CADPS: variants seen among roughly 807,000 people sequenced by gnomAD.
The protein encoded by CADPS is calcium-dependent secretion activator 1.
In CADPS, 57 loss-of-function variants were observed where a neutral mutation model predicts 167.3. The ratio of observed to expected loss-of-function variants is 0.34; its 90% CI spans 0.28 to 0.42. The LOEUF (loss-of-function observed/expected upper bound fraction) is 0.42, where lower values mean the gene tolerates loss of function less well. Ranked by LOEUF, CADPS falls within the 20% of genes least tolerant of loss-of-function variation. The pLI is 1.00. For missense variants in CADPS, 1,414 were observed against 1,738.1 expected (o/e 0.81, Z 3.32); for synonymous variants, 676 against 635.3 (o/e 1.06, Z -0.96).
At chr3:62,723,458 C>G (rs2076178587) in intron 3 of CADPS, among the ~76,000 whole-genome samples, 1 of 152,070 alleles carries the variant, frequency 6.6e-6, no homozygotes, top group Admixed American at 6.5e-5. Context: ...ATGTGGGGCT[C>G]ACCTCTGCTG....
intron 1 of CADPS, among the ~76,000 whole-genome samples, chr3:62,770,914 G>A (rs929452340): frequency 3.9e-5 from 6 of 152,102 alleles, no homozygotes; most frequent in Admixed American, 2.6e-4. Flanking sequence ...GTGTCAATAC[G>A]ATCATACATG....
chr3:62,795,381 G>C (rs2093336144), intron 1 of CADPS, among the ~76,000 whole-genome samples: 1 of 152,026 alleles, frequency 6.6e-6, no homozygotes, highest in South Asian at 2.1e-4. Context: ...TGCCCTAGAT[G>C]TAAGCTCCAT....
At chr3:62,543,582 C>T (rs1223370119) in intron 11 of CADPS, among the ~76,000 whole-genome samples, 6 of 151,930 alleles carry the variant, frequency 3.9e-5, no homozygotes, top group South Asian at 4.2e-4. Flanking sequence ...TGGTGAAAAA[C>T]GTCTGTCTGC....
chr3:62,417,353 C>T (rs1278932472), intron 28 of CADPS, among the ~76,000 whole-genome samples: 5 of 126,980 alleles, frequency 3.9e-5, no homozygotes, highest in African/African-American at 9.1e-5. Context: ...GGTGCAATCT[C>T]GGCTCACTGC....
intron 4 of CADPS, among the ~76,000 whole-genome samples, chr3:62,658,296 T>G (rs2072242894): frequency 6.6e-6 from 1 of 152,102 alleles, no homozygotes; most frequent in South Asian, 2.1e-4. Context: ...GCACAGCCAG[T>G]GTCTGACTGA....
rs867696096 is a variant in CADPS at position 62,557,012 on chromosome 3, C to G, written c.1753+393G>C. 1.2e-3 allele frequency among the ~76,000 whole-genome samples: 175 copies of G among 147,604 alleles called. 2 individuals carry two copies. The highest frequency in any genetic ancestry group is 9.6e-3 in the South Asian group (44 of 4,566). On this transcript the variant is annotated intron_variant, in intron 10 of 29. Transcript: ENST00000383710. The stretch of plus-strand genomic sequence containing the variant: ...GAAAAACAACACACACACACACACA[C>G]ACACACACACACACACACACACACA...
intron 28 of CADPS, among the ~76,000 whole-genome samples, chr3:62,429,209 T>C (rs1442547126): frequency 6.6e-5 from 10 of 152,184 alleles, no homozygotes; most frequent in Non-Finnish European, 1.2e-4. Context: ...AAGTTTGAAG[T>C]AATTGATCTT....
Position 62,875,046 on chromosome 3 carries a change from C to A in CADPS, c.-17G>T. On this transcript the variant is annotated 5_prime_UTR_variant, in exon 1 of 30. Coordinates refer to ENST00000383710, the MANE Select transcript of CADPS (RefSeq NM_003716.4). ...GTCCAGCATAGTGGCGCCTGGGGAG[C>A]GGGGTCTCTGGAGCCCCCGGCTTGG... 1 of 1,573,770 alleles carries A rather than the reference C, an allele frequency of 6.4e-7. No homozygotes were observed. The highest frequency in any genetic ancestry group is 8.6e-7 in the Non-Finnish European group (1 of 1,159,552).
At chr3:62,787,796 A>C (rs1024623617) in intron 1 of CADPS, among the ~76,000 whole-genome samples, 4 of 152,228 alleles carry the variant, frequency 2.6e-5, no homozygotes, top group Non-Finnish European at 4.4e-5. Flanking sequence ...TAGTAACTGC[A>C]TGACTATTAT....
Position 62,837,451 on chromosome 3 carries a change from G to T in CADPS, c.441+37138C>A, listed in dbSNP as rs537502543. On this transcript the variant is annotated intron_variant, in intron 1 of 29. Coordinates refer to ENST00000383710, the MANE Select transcript of CADPS (RefSeq NM_003716.4). ...CAGGGCACTTAATAGCCCTACGAAA[G>T]TCAGTCCAAAAAAGAAAGATGGAGA... 3.9e-5 allele frequency among the ~76,000 whole-genome samples: 6 copies of T among 152,280 alleles called. No homozygotes were observed. In the South Asian group the frequency reaches 1.2e-3, roughly 32 times the overall value.
chr3:62,734,658 A>G (rs2078621891), intron 3 of CADPS, among the ~76,000 whole-genome samples: 1 of 152,088 alleles, frequency 6.6e-6, no homozygotes, highest in African/African-American at 2.4e-5. Context: ...TTTAAAATTT[A>G]TTGTTACTGT....
intron 18 of CADPS, among the ~76,000 whole-genome samples, chr3:62,498,939 C>T (rs969766522): frequency 6.6e-6 from 1 of 152,166 alleles, no homozygotes; most frequent in Non-Finnish European, 1.5e-5. Flanking sequence ...TCGCTAGAAA[C>T]ATCTGAAAAC....
chr3:62,703,301 G>C (rs1291634659), intron 3 of CADPS, among the ~76,000 whole-genome samples: 1 of 152,118 alleles, frequency 6.6e-6, no homozygotes, highest in Non-Finnish European at 1.5e-5. Flanking sequence ...GGGAACTCCA[G>C]ATGCTTTTCT....
chr3:62,761,405 C>CA (rs2085376500), intron 2 of CADPS, among the ~76,000 whole-genome samples: 1 of 151,808 alleles, frequency 6.6e-6, no homozygotes, highest in Admixed American at 6.6e-5. Context: ...ATAACAACAA[C>CA]AACAAAAAAA....
intron 13 of CADPS, among the ~76,000 whole-genome samples, chr3:62,531,959 G>A (rs955033940): frequency 4.6e-5 from 7 of 152,190 alleles, no homozygotes; most frequent in Non-Finnish European, 1.0e-4. Flanking sequence ...GAGACTTGAC[G>A]TTCTGGGCTT....
intron 1 of CADPS, among the ~76,000 whole-genome samples, chr3:62,819,614 A>G (rs1320100473): frequency 6.6e-6 from 1 of 152,092 alleles, no homozygotes; most frequent in South Asian, 2.1e-4. Context: ...GCCATGGCAG[A>G]TGGTTTATGC....
chr3:62,530,796 A>G, intron 13 of CADPS: 1 of 1,277,886 alleles, frequency 7.8e-7, no homozygotes, highest in Non-Finnish European at 1.0e-6. Flanking sequence ...CCACTAAGGT[A>G]CACATGCATT....
chr3:62,623,552 T>C (rs930332230), intron 6 of CADPS, among the ~76,000 whole-genome samples: 4 of 152,176 alleles, frequency 2.6e-5, no homozygotes, highest in Admixed American at 2.6e-4. Flanking sequence ...TATAAGAAGA[T>C]AATATGACCC....
intron 23 of CADPS, among the ~76,000 whole-genome samples, chr3:62,476,629 A>G (rs2061360362): frequency 6.6e-6 from 1 of 152,150 alleles, no homozygotes; most frequent in Non-Finnish European, 1.5e-5. Context: ...TGATTACAGC[A>G]TGGTAAGGGA....
Sources: allele counts gnomAD v4.1 joint callset (sites outside exome capture counted in the v4.1 genomes callset), GRCh38; gene constraint gnomAD v4.1.1; transcripts MANE v1.5; gene names NCBI Gene and HGNC (gene_info 2026-07-23, HGNC 2026-07-21).